RBFOX1: variants seen among roughly 807,000 people sequenced by gnomAD.
RBFOX1 encodes the protein RNA binding fox-1 homolog 1, also known as RNA binding protein fox-1 homolog 1.
In RBFOX1, 8 loss-of-function variants were observed where a neutral mutation model predicts 57.7. The observed-to-expected ratio is 0.14, with a 90% confidence interval of 0.08 to 0.25. The LOEUF (loss-of-function observed/expected upper bound fraction) is 0.25. Among genes scored for constraint, RBFOX1 ranks in the 10% least tolerant of loss-of-function variants. The pLI is 1.00. For synonymous variants in RBFOX1, 326 were observed against 222.4 expected (o/e 1.47, Z -4.15); for missense variants, 611 against 548.5 (o/e 1.11, Z -1.14).
intron 1 of RBFOX1, among the ~76,000 whole-genome samples, chr16:6,080,371 A>C (rs569007149): frequency 1.2e-4 from 18 of 152,270 alleles, no homozygotes; most frequent in African/African-American, 3.8e-4. Flanking sequence ...AAGTTCAGCC[A>C]GTGTGTGAAT....
At chr16:6,327,989 A>G (rs1475863832) in intron 2 of RBFOX1, among the ~76,000 whole-genome samples, 2 of 152,310 alleles carry the variant, frequency 1.3e-5, no homozygotes, top group Non-Finnish European at 2.9e-5. Flanking sequence ...GTGGAAACGT[A>G]TAAAGGTTGT....
chr16:5,978,286 C>G (rs1425253366), intron 4 of RBFOX1, among the ~76,000 whole-genome samples: 1 of 151,802 alleles, frequency 6.6e-6, no homozygotes, highest in Non-Finnish European at 1.5e-5. Context: ...TGCACTCCAG[C>G]CTGGGTGACA....
chr16:7,202,541 G>A (rs572219103), intron 4 of RBFOX1, among the ~76,000 whole-genome samples: 17 of 152,284 alleles, frequency 1.1e-4, no homozygotes, highest in African/African-American at 3.4e-4. Flanking sequence ...TAGTGGTACC[G>A]GTGTATGGCC....
At chr16:7,118,616 A>T (rs2066440474) in intron 4 of RBFOX1, among the ~76,000 whole-genome samples, 1 of 152,120 alleles carries the variant, frequency 6.6e-6, no homozygotes, top group Non-Finnish European at 1.5e-5. Context: ...ACATGTAATC[A>T]CACTTATCTT....
intron 3 of RBFOX1, among the ~76,000 whole-genome samples, chr16:6,906,586 G>A (rs891886823): frequency 1.1e-4 from 16 of 152,174 alleles, no homozygotes; most frequent in African/African-American, 3.6e-4. Flanking sequence ...GGGTACATCA[G>A]TAGTGTTTCC....
At chr16:7,685,387 A>AC (rs1389092038) in intron 14 of RBFOX1, among the ~76,000 whole-genome samples, 2 of 152,068 alleles carry the variant, frequency 1.3e-5, no homozygotes, top group Admixed American at 6.6e-5. Context: ...TTAATTCTTT[A>AC]CCCCAAAAGA....
chr16:7,574,070 A>G (rs1433239157), intron 5 of RBFOX1, among the ~76,000 whole-genome samples: 1 of 152,058 alleles, frequency 6.6e-6, no homozygotes, highest in Non-Finnish European at 1.5e-5. Flanking sequence ...CTTCTCAGGG[A>G]TGCTATAATG....
intron 3 of RBFOX1, among the ~76,000 whole-genome samples, chr16:6,757,939 A>T (rs1022605358): frequency 1.3e-5 from 2 of 152,194 alleles, no homozygotes; most frequent in Non-Finnish European, 2.9e-5. Context: ...TAGTAAAAAA[A>T]GATTTTAAAC....
intron 3 of RBFOX1, among the ~76,000 whole-genome samples, chr16:7,041,740 C>G (rs139590906): frequency 6.6e-6 from 1 of 152,282 alleles, no homozygotes; most frequent in East Asian, 1.9e-4. Flanking sequence ...GGGAACAAAG[C>G]CAGGATTTGG....
intron 1 of RBFOX1, among the ~76,000 whole-genome samples, chr16:5,464,636 C>G (rs1264458312): frequency 6.6e-6 from 1 of 152,192 alleles, no homozygotes; most frequent in Non-Finnish European, 1.5e-5. Context: ...CTGTAGGGCG[C>G]CACGAGAGGC....
intron 4 of RBFOX1, among the ~76,000 whole-genome samples, chr16:7,437,126 G>C (rs1395243775): frequency 6.6e-6 from 1 of 152,066 alleles, no homozygotes; most frequent in Non-Finnish European, 1.5e-5. Context: ...AAGCATCACA[G>C]GGCTCTCTGA....
intron 1 of RBFOX1, among the ~76,000 whole-genome samples, chr16:5,256,257 C>T (rs749544264): frequency 2.6e-5 from 4 of 152,086 alleles, no homozygotes; most frequent in Admixed American, 6.6e-5. Flanking sequence ...AGGATGTGAC[C>T]GAGTTAGCCA....
Position 6,432,537 on chromosome 16 carries a change from C to T in RBFOX1, c.-64+115480C>T, listed in dbSNP as rs569225193. 3.3e-5 allele frequency among the ~76,000 whole-genome samples: 5 copies of T among 149,754 alleles called. No individual in the cohort carries two copies. In the South Asian group the frequency reaches 6.3e-4, roughly 19 times the overall value. On this transcript the variant is annotated intron_variant, in intron 2 of 15. Transcript: ENST00000550418. ...AAATACAAAAAAAAAAAAAAATGAG[C>T]GGGGTGTGGTGGCGGATACCTGTAA...
chr16:7,290,612 G>C (rs2095750592), intron 4 of RBFOX1, among the ~76,000 whole-genome samples: 1 of 152,170 alleles, frequency 6.6e-6, no homozygotes, highest in Admixed American at 6.6e-5. Flanking sequence ...TTTCAAATTT[G>C]CTCATTCACT....
chr16:5,723,345 T>A (rs549880625), intron 3 of RBFOX1, among the ~76,000 whole-genome samples: 261 of 152,226 alleles, frequency 1.7e-3, no homozygotes, highest in Admixed American at 2.9e-3. Context: ...TTGAGACCTT[T>A]GGTCTAAGGC....
chr16:6,863,562 A>G (rs1368295375), intron 3 of RBFOX1, among the ~76,000 whole-genome samples: 1 of 151,936 alleles, frequency 6.6e-6, no homozygotes, highest in East Asian at 1.9e-4. Flanking sequence ...ATAAATGTAA[A>G]TAACATTAAA....
At chr16:7,489,004 A>G (rs2099328420) in intron 4 of RBFOX1, among the ~76,000 whole-genome samples, 1 of 152,132 alleles carries the variant, frequency 6.6e-6, no homozygotes, top group Non-Finnish European at 1.5e-5. Flanking sequence ...TTGCTCTGTC[A>G]TTATATCTAC....
chr16:7,485,936 T>A (rs1280818486), intron 4 of RBFOX1, among the ~76,000 whole-genome samples: 1 of 152,154 alleles, frequency 6.6e-6, no homozygotes, highest in African/African-American at 2.4e-5. Flanking sequence ...TGTTCATGGT[T>A]GCTGTTTTGC....
chr16:5,877,022 C>A (rs1286961138), intron 4 of RBFOX1, among the ~76,000 whole-genome samples: 2 of 152,016 alleles, frequency 1.3e-5, no homozygotes, highest in African/African-American at 4.8e-5. Context: ...TGTGGAAATC[C>A]CAGGCCAAGG....
Sources: allele counts gnomAD v4.1 joint callset (sites outside exome capture counted in the v4.1 genomes callset), GRCh38; gene constraint gnomAD v4.1.1; transcripts MANE v1.5; gene names NCBI Gene and HGNC (gene_info 2026-07-23, HGNC 2026-07-21).